Variants in PTPRE observed in about 807,000 individuals in gnomAD.
PTPRE encodes the protein receptor-type tyrosine-protein phosphatase epsilon.
In PTPRE, 51 loss-of-function variants were observed where a neutral mutation model predicts 102.0. The observed-to-expected ratio is 0.50, with a 90% CI of 0.40 to 0.63. The LOEUF (loss-of-function observed/expected upper bound fraction) is 0.63, where lower values mean the gene tolerates loss of function less well. PTPRE is among the 30% of genes least tolerant of loss of function. The probability of loss-of-function intolerance (pLI) is 0.00; values close to 1 mark genes in which losing one functional copy is unlikely to be tolerated. For missense variants in PTPRE, 752 were observed against 915.1 expected (o/e 0.82, Z 2.30); for synonymous variants, 345 against 348.2 (o/e 0.99, Z 0.10).
rs1851992499 is a variant in PTPRE, at chr10:128,085,006, C to G, written c.*2100C>G. 2.5e-6 allele frequency: 1 copy of G among 405,254 alleles called. No individual in the cohort carries two copies. Among genetic ancestry groups the G allele is most frequent in the Non-Finnish European group, 5.0e-6 (1 of 201,830 alleles). 25.1% of individuals were successfully genotyped at this position (405,254 alleles called of 1,614,324 possible). On this transcript the variant is annotated 3_prime_UTR_variant, in exon 21 of 21. Transcript: ENST00000254667. ...GGCCCTGCTCATGTTTTTTTCCTGT[C>G]CCCTTAGACCAACCCCAGGTGTCCA...
Position 128,002,683 on chromosome 10 carries a change from CTTTTTTTTTTTTTTT to C in PTPRE, c.-8+20410_-8+20424del, listed in dbSNP as rs59007980. On this transcript the variant is annotated intron_variant, in intron 2 of 20. Transcript: ENST00000254667. ...TTTGCAGTGTTTGGGAGTCACATAT[CTTTTTTTTTTTTTTT>C]TTTTTTTTTTTTTTTTTTTTTTGAG... is the stretch of plus-strand genomic sequence containing the variant. Among the ~76,000 whole-genome samples the C allele has an allele frequency of 2.7e-4, 11 of 41,204 alleles. 1 individual carries two copies. In the South Asian group the frequency reaches 6.0e-3, roughly 22 times the overall value. The allele number at this position is 41,204 out of a possible 152,430, so 27.0% of individuals were successfully genotyped here. A position where few individuals can be genotyped will look rare whatever the true frequency, so the allele number is the denominator to read the frequency against.
chr10:128,071,066 G>A (rs1172989183), intron 15 of PTPRE, 165 bp downstream of exon 15: 2 of 662,922 alleles, frequency 3.0e-6, no homozygotes, highest in Admixed American at 5.8e-5. Flanking sequence ...CAAATGTCAG[G>A]TAGAAAAGAC....
At chr10:127,925,960 ACT>A (rs1322076255) in intron 1 of PTPRE, among the ~76,000 whole-genome samples, 3 of 152,090 alleles carry the variant, frequency 2.0e-5, no homozygotes, top group Non-Finnish European at 4.4e-5. Flanking sequence ...GTATTAACAT[ACT>A]CCTGAAAAGT....
At chr10:127,966,559 G>A (rs772398176) in intron 1 of PTPRE, among the ~76,000 whole-genome samples, 1 of 152,238 alleles carries the variant, frequency 6.6e-6, no homozygotes, top group Non-Finnish European at 1.5e-5. Flanking sequence ...ACTTAGCCAG[G>A]GACTGAGGGG....
At position 127,959,489 on chromosome 10, in the gene PTPRE, A is replaced by G. The variant is rs1445956229; in HGVS notation, c.-30-22785A>G. 3.9e-5 allele frequency among the ~76,000 whole-genome samples: 6 copies of G among 152,214 alleles called. No homozygotes were observed. The East Asian group carries it at 9.6e-4, about 24-fold the overall frequency. ...GGTTGTTTTTAATGTGTAAATATACATCCCCAATAACTCAGACTCATTAAT... is the reference window on the plus strand; with the variant it reads ...GGTTGTTTTTAATGTGTAAATATACGTCCCCAATAACTCAGACTCATTAAT... On this transcript the variant is annotated intron_variant, in intron 1 of 20. Coordinates refer to ENST00000254667, the MANE Select transcript of PTPRE (RefSeq NM_006504.6).
intron 1 of PTPRE, among the ~76,000 whole-genome samples, chr10:127,947,254 A>T (rs1297148194): frequency 2.0e-5 from 3 of 152,260 alleles, no homozygotes; most frequent in Non-Finnish European, 4.4e-5. Flanking sequence ...TGGAAAATTA[A>T]ATAAGTGTAG....
intron 1 of PTPRE, among the ~76,000 whole-genome samples, chr10:127,922,880 G>A (rs2135188803): frequency 6.6e-6 from 1 of 152,144 alleles, no homozygotes; most frequent in East Asian, 1.9e-4. Context: ...CCCATCCTCA[G>A]CTTCATCTCT....
chr10:128,020,057 CGTGTGT>C (rs10611602), intron 2 of PTPRE, among the ~76,000 whole-genome samples: 11 of 143,814 alleles, frequency 7.6e-5, no homozygotes, highest in African/African-American at 2.5e-4. Flanking sequence ...CACGCGCGCA[CGTGTGT>C]GTGTGTGTGT....
At position 128,049,538 on chromosome 10, in the gene PTPRE, A is replaced by C. The variant is rs1279080832; in HGVS notation, c.292A>C (p.Arg98=). 8.1e-6 allele frequency: 13 copies of C among 1,613,862 alleles called. No homozygotes were observed. Among genetic ancestry groups the C allele is most frequent in the Non-Finnish European group, 1.1e-5 (13 of 1,179,992 alleles). ...TTCTTTTGATCCCACAGAGCAGCAAAGGGTGATGCTGCTCAGCAGGTCACC... is the reference window on the plus strand; with the variant it reads ...TTCTTTTGATCCCACAGAGCAGCAACGGGTGATGCTGCTCAGCAGGTCACC... ...NGILEEQEQQ[R]VMLLSRSPSG... is the part of the protein sequence containing the mutation. The change falls in exon 6 of 21, where the codon AGG becomes CGG. Residue 98 remains arginine, a synonymous_variant. Transcript: ENST00000254667.
chr10:127,939,429 A>G lies in PTPRE; in HGVS notation c.-31+32120A>G, dbSNP rs913235440. 9.2e-5 allele frequency among the ~76,000 whole-genome samples: 14 copies of G among 152,322 alleles called. No individual in the cohort carries two copies. In the East Asian group the frequency reaches 2.7e-3, roughly 29 times the overall value. On this transcript the variant is annotated intron_variant, in intron 1 of 20. Transcript: ENST00000254667. ...GTGACTTTTCAAACAGGGATCTCACATTTTAAGTCTAGTTATTCCAGAATA... is the reference window on the plus strand; with the variant it reads ...GTGACTTTTCAAACAGGGATCTCACGTTTTAAGTCTAGTTATTCCAGAATA...
At chr10:127,960,295 C>T (rs1354024416) in intron 1 of PTPRE, among the ~76,000 whole-genome samples, 1 of 152,204 alleles carries the variant, frequency 6.6e-6, no homozygotes, top group Non-Finnish European at 1.5e-5. Context: ...AGACACCCAG[C>T]AAGTGAGCGC....
intron 1 of PTPRE, among the ~76,000 whole-genome samples, chr10:127,947,026 A>G (rs1255028906): frequency 3.3e-5 from 5 of 152,084 alleles, no homozygotes; most frequent in Non-Finnish European, 4.4e-5. Flanking sequence ...GTCTCAAAAA[A>G]AAAAAAAAAA....
rs745369197 is a variant in PTPRE, at chr10:127,946,275, G to A, written c.-30-35999G>A. ...ATGCTTGGAGAATGAATGGCTATTC[G>A]TGTATATACCATTTCACTGATATTG... On this transcript the variant is annotated intron_variant, in intron 1 of 20. Transcript: ENST00000254667. 1.2e-3 allele frequency among the ~76,000 whole-genome samples: 185 copies of A among 152,148 alleles called. 1 individual carries two copies. The highest frequency in any genetic ancestry group is 2.8e-3 in the Admixed American group (43 of 15,272).
chr10:127,966,581 G>A (rs984904485), intron 1 of PTPRE, among the ~76,000 whole-genome samples: 8 of 152,166 alleles, frequency 5.3e-5, no homozygotes, highest in Non-Finnish European at 1.2e-4. Flanking sequence ...TTGCTGGGAT[G>A]GGGGATTTTA....
chr10:128,017,299 G>A (rs1159843505), intron 2 of PTPRE, among the ~76,000 whole-genome samples: 1 of 152,132 alleles, frequency 6.6e-6, no homozygotes, highest in Admixed American at 6.5e-5. Flanking sequence ...AAGAAGAGCT[G>A]AGAGCTATAG....
intron 2 of PTPRE, chr10:127,999,783 C>A (rs1367277706): frequency 1.0e-6 from 1 of 985,266 alleles, no homozygotes; most frequent in Admixed American, 6.1e-5. Flanking sequence ...GTGTGAGTGC[C>A]GGCAGCCGCG....
chr10:128,077,955 A>C (rs1191748579), intron 19 of PTPRE, among the ~76,000 whole-genome samples, 172 bp downstream of exon 19: 3 of 152,204 alleles, frequency 2.0e-5, no homozygotes, highest in Non-Finnish European at 4.4e-5. Context: ...TTAAGTACAT[A>C]CATGTCATCG....
At chr10:128,067,401 T>TAC (rs879575154) in intron 11 of PTPRE, among the ~76,000 whole-genome samples, 1 of 136,100 alleles carries the variant, frequency 7.3e-6, no homozygotes, top group Non-Finnish European at 1.6e-5. Flanking sequence ...CACACACACA[T>TAC]ACACGCACAT....
At chr10:128,067,147 A>T (rs917382652) in intron 11 of PTPRE, among the ~76,000 whole-genome samples, 11 of 144,842 alleles carry the variant, frequency 7.6e-5, no homozygotes, top group African/African-American at 2.7e-4. Context: ...ACACATGTGC[A>T]CACACACCCC....
Sources: gnomAD v4.1 joint callset for allele counts (sites outside exome capture counted in the v4.1 genomes callset) on GRCh38, gnomAD v4.1.1 for gene constraint, MANE v1.5 for transcripts, NCBI Gene and HGNC (gene_info 2026-07-23, HGNC 2026-07-21) for gene names.